Variants in CDH13 observed in about 807,000 individuals in gnomAD.
CDH13 encodes the protein cadherin-13.
In CDH13, 24 loss-of-function variants were observed where a neutral mutation model predicts 63.8. The ratio of observed to expected loss-of-function variants is 0.38; its 90% CI spans 0.27 to 0.53. The LOEUF (loss-of-function observed/expected upper bound fraction) is 0.53, where lower values mean the gene tolerates loss of function less well. Ranked by LOEUF, CDH13 falls within the 20% of genes least tolerant of loss-of-function variation. The probability of loss-of-function intolerance (pLI) is 0.85; values close to 1 mark genes in which losing one functional copy is unlikely to be tolerated. For missense variants in CDH13, 1,049 were observed against 903.1 expected (o/e 1.16, Z -2.07); for synonymous variants, 503 against 355.3 (o/e 1.42, Z -4.67).
At chr16:83,319,838 G>C (rs562966272) in intron 5 of CDH13, among the ~76,000 whole-genome samples, 1 of 152,208 alleles carries the variant, frequency 6.6e-6, no homozygotes, top group Admixed American at 6.5e-5. Flanking sequence ...AAATTTCAGG[G>C]GATAAGTGAA....
At chr16:83,526,903 G>A (rs562934602) in intron 7 of CDH13, among the ~76,000 whole-genome samples, 168 of 152,236 alleles carry the variant, frequency 1.1e-3, no homozygotes, top group African/African-American at 3.8e-3. Context: ...AGGCCAAGGC[G>A]GGCAGATCAT....
At chr16:82,768,425 G>C (rs28362150) in intron 1 of CDH13, among the ~76,000 whole-genome samples, 2 of 152,260 alleles carry the variant, frequency 1.3e-5, no homozygotes, top group African/African-American at 4.8e-5. Flanking sequence ...ATTTGTGTCT[G>C]TCAACCTGGC....
chr16:82,806,327 C>T (rs573079618), intron 1 of CDH13, among the ~76,000 whole-genome samples: 42 of 152,192 alleles, frequency 2.8e-4, no homozygotes, highest in African/African-American at 7.5e-4. Flanking sequence ...GATAATAGGT[C>T]GAGTAACCTG....
intron 5 of CDH13, among the ~76,000 whole-genome samples, chr16:83,333,898 G>A (rs2090530282): frequency 6.6e-6 from 1 of 152,160 alleles, no homozygotes; most frequent in Non-Finnish European, 1.5e-5. Flanking sequence ...TCCTATGGCT[G>A]CTGTAGTAAA....
chr16:82,858,916 G>T (rs1406823574), intron 2 of CDH13: 2 of 175,036 alleles, frequency 1.1e-5, no homozygotes, highest in African/African-American at 4.7e-5. Flanking sequence ...TTTAGACACA[G>T]ACATCAAAAA....
At chr16:83,728,428 C>T (rs541527549) in intron 10 of CDH13, among the ~76,000 whole-genome samples, 1 of 151,868 alleles carries the variant, frequency 6.6e-6, no homozygotes, top group East Asian at 1.9e-4. Context: ...AACAACAGTT[C>T]AATAGCTCCT....
chr16:83,376,505 G>T (rs1431212502), intron 6 of CDH13, among the ~76,000 whole-genome samples: 1 of 152,178 alleles, frequency 6.6e-6, no homozygotes, highest in Non-Finnish European at 1.5e-5. Context: ...GACAGCTCTT[G>T]ATGAGTTTTG....
At chr16:82,787,842 G>GTGTGTGTGTGTGTGTGTGTA (rs956751106) in intron 1 of CDH13, among the ~76,000 whole-genome samples, 4 of 2,724 alleles carry the variant, frequency 1.5e-3, no homozygotes, top group African/African-American at 6.2e-3. Flanking sequence ...AAGGGAGGAA[G>GTGTGTGTGTGTGTGTGTGTA]TGTGTGTGTG....
intron 7 of CDH13, among the ~76,000 whole-genome samples, chr16:83,531,082 T>G: frequency 6.6e-6 from 1 of 152,226 alleles, no homozygotes; most frequent in East Asian, 1.9e-4. Flanking sequence ...CTTGGTGTTG[T>G]TTCTGACATC....
intron 7 of CDH13, among the ~76,000 whole-genome samples, chr16:83,588,496 C>T (rs1230163275): frequency 6.6e-6 from 1 of 152,162 alleles, no homozygotes; most frequent in East Asian, 1.9e-4. Flanking sequence ...AACCCGATGA[C>T]CACATACAGG....
chr16:83,340,305 A>AGT (rs147527566), intron 5 of CDH13, among the ~76,000 whole-genome samples: 56,402 of 150,138 alleles, frequency 0.38, 10,727 homozygotes, highest in East Asian at 0.46. Flanking sequence ...CCTACATCTG[A>AGT]GTGTGTGTGT....
intron 13 of CDH13, among the ~76,000 whole-genome samples, chr16:83,786,105 A>T (rs541341717): frequency 1.9e-4 from 29 of 152,296 alleles, no homozygotes; most frequent in African/African-American, 6.3e-4. Context: ...CACATCCAGT[A>T]TGAGAATTTC....
intron 1 of CDH13, among the ~76,000 whole-genome samples, chr16:82,747,528 T>G (rs2034231040): frequency 6.6e-6 from 1 of 152,236 alleles, no homozygotes; most frequent in East Asian, 1.9e-4. Context: ...ACCTGAGAAC[T>G]TATTTGAAAT....
At chr16:83,762,585 G>C (rs1443862410) in intron 11 of CDH13, among the ~76,000 whole-genome samples, 1 of 152,252 alleles carries the variant, frequency 6.6e-6, no homozygotes. Flanking sequence ...TGTCTTATGT[G>C]GGCTGAAAAC....
At position 83,059,993 on chromosome 16, in the gene CDH13, A is replaced by G. The variant is rs1178948151; in HGVS notation, c.366+27775A>G. On this transcript the variant is annotated intron_variant, in intron 3 of 13. Transcript: ENST00000567109. Reference sequence around the variant, plus strand: ...GTATTTAGAGTAGAGACGGGGTTTCACCGTGTTAGCCAGGGTGGTCTTGAT... The same window carrying G: ...GTATTTAGAGTAGAGACGGGGTTTCGCCGTGTTAGCCAGGGTGGTCTTGAT... Among the ~76,000 whole-genome samples, 4 of 151,710 alleles carry G rather than the reference A, an allele frequency of 2.6e-5. No homozygotes were observed. The South Asian group carries it at 6.2e-4, about 24-fold the overall frequency.
chr16:83,214,963 T>C (rs2039452598), intron 4 of CDH13, among the ~76,000 whole-genome samples: 1 of 151,788 alleles, frequency 6.6e-6, no homozygotes, highest in Non-Finnish European at 1.5e-5. Context: ...GCTCTTGACC[T>C]CATGGGGCTT....
In CDH13 at chr16:82,827,952, A is replaced by T. The variant is rs575114605; in HGVS notation, c.46-30410A>T. Reference sequence around the variant, plus strand: ...CAGAGTAGGAGTAGAGTATCCAGTCATCCTGGTTTGCCCAATTCTGTCCCA... The same window carrying T: ...CAGAGTAGGAGTAGAGTATCCAGTCTTCCTGGTTTGCCCAATTCTGTCCCA... On this transcript the variant is annotated intron_variant, in intron 1 of 13. Coordinates refer to ENST00000567109, the MANE Select transcript of CDH13 (RefSeq NM_001257.5). Among the ~76,000 whole-genome samples, 11 of 152,314 alleles carry T rather than the reference A, an allele frequency of 7.2e-5. No homozygotes were observed. The South Asian group carries it at 1.7e-3, about 23-fold the overall frequency.
intron 6 of CDH13, among the ~76,000 whole-genome samples, chr16:83,354,538 A>T (rs1438096034): frequency 6.6e-6 from 1 of 152,210 alleles, no homozygotes; most frequent in African/African-American, 2.4e-5. Flanking sequence ...TAAGCCAGAT[A>T]ATTTAAGTTT....
intron 1 of CDH13, among the ~76,000 whole-genome samples, chr16:82,845,443 A>T (rs908066375): frequency 6.6e-6 from 1 of 152,250 alleles, no homozygotes; most frequent in African/African-American, 2.4e-5. Flanking sequence ...ACTTCTTTAG[A>T]AACTCATCGC....
Sources: allele counts gnomAD v4.1 joint callset (sites outside exome capture counted in the v4.1 genomes callset), GRCh38; gene constraint gnomAD v4.1.1; transcripts MANE v1.5; gene names NCBI Gene and HGNC (gene_info 2026-07-23, HGNC 2026-07-21).